CCDC141: variants seen among roughly 807,000 people sequenced by gnomAD.
CCDC141 encodes the protein coiled-coil domain-containing protein 141.
In CCDC141, 168 loss-of-function variants were observed where a neutral mutation model predicts 181.0. That is an observed-to-expected ratio of 0.93 (90% CI 0.82 to 1.05). The LOEUF is 1.05. Among genes scored for constraint, CCDC141 ranks in the 50% least tolerant of loss-of-function variants. The pLI, the probability that CCDC141 is intolerant of heterozygous loss-of-function variation, is 0.00. For missense variants in CCDC141, 1,902 were observed against 1,788.5 expected, an observed-to-expected ratio of 1.06 and a Z score of -1.14; for synonymous variants, 666 against 642.3, an observed-to-expected ratio of 1.04 and a Z score of -0.56.
intron 2 of CCDC141, among the ~76,000 whole-genome samples, chr2:178,986,884 C>G (rs1483460710): frequency 6.6e-6 from 1 of 151,794 alleles, no homozygotes; most frequent in Non-Finnish European, 1.5e-5. Flanking sequence ...TGAAAATGGC[C>G]ATACTGCCCA....
rs764624099 is a variant in CCDC141, at chr2:178,834,341, G to A, written c.4425C>T (p.Asp1475=). 4.6e-5 allele frequency: 70 copies of A among 1,536,030 alleles called. No homozygotes were observed. Among genetic ancestry groups the A allele is most frequent in the South Asian group, 9.5e-5 (8 of 84,068 alleles). ...GGGCCCGAGCCACATAGAGGCCTGC[G>A]TCTGCCTTGCATACCTTTGGAATGA... ...SVFIPKVCKA[D]AGLYVARAQN... is the part of the protein sequence containing the mutation. The change falls in exon 24 of 24, where the codon GAC becomes GAT. Residue 1475 remains aspartate (D), a synonymous_variant. Transcript: ENST00000443758.
At chr2:178,994,966 A>T (rs758683631) in intron 2 of CCDC141, among the ~76,000 whole-genome samples, 15 of 152,154 alleles carry the variant, frequency 9.9e-5, no homozygotes, top group Non-Finnish European at 1.5e-4. Context: ...TACTGTCCAT[A>T]TCTCTATCAG....
At chr2:178,869,906 T>C (rs1686034381) in intron 14 of CCDC141, among the ~76,000 whole-genome samples, 1 of 152,084 alleles carries the variant, frequency 6.6e-6, no homozygotes, top group Non-Finnish European at 1.5e-5. Flanking sequence ...GATTCTGGAA[T>C]AGAATTTGCA....
intron 2 of CCDC141, among the ~76,000 whole-genome samples, chr2:178,985,583 G>GA (rs985703796): frequency 6.6e-6 from 1 of 151,322 alleles, no homozygotes; most frequent in African/African-American, 2.4e-5. Context: ...GACTAATAAA[G>GA]AAAAAAACAG....
chr2:178,928,305 A>G (rs1446165342), intron 6 of CCDC141, among the ~76,000 whole-genome samples: 1 of 152,158 alleles, frequency 6.6e-6, no homozygotes, highest in South Asian at 2.1e-4. Context: ...AGGCCTTTGG[A>G]GTAAAGAAGG....
intron 2 of CCDC141, among the ~76,000 whole-genome samples, chr2:179,015,226 T>TCTCATATAA (rs202150994): frequency 1.6e-5 from 1 of 61,178 alleles, no homozygotes; most frequent in Non-Finnish European, 3.4e-5. Flanking sequence ...ATCTCATATA[T>TCTCATATAA]ACCTCATATA....
Position 178,869,150 on chromosome 2 carries a change from G to T in CCDC141, c.2361C>A (p.Tyr787Ter). The T allele has an allele frequency of 6.2e-7, 1 of 1,611,594 alleles. No homozygotes were observed. Among genetic ancestry groups the T allele is most frequent in the Non-Finnish European group, 8.5e-7 (1 of 1,179,150 alleles). The change falls in exon 15 of 24, where the codon TAC (tyrosine) becomes TAA (stop). Residue 787 changes from tyrosine (Y) to a stop codon, truncating the protein, a stop_gained. Coordinates refer to ENST00000443758, the MANE Select transcript of CCDC141 (RefSeq NM_173648.4). LOFTEE classifies it high-confidence loss of function. ...ERIQDYEDIL[Y>*]KVVQFHQVKE... is the part of the protein sequence containing the mutation. The stretch of plus-strand genomic sequence containing the variant: ...TGACTTGATGGAACTGGACCACCTT[G>T]TACAGGATATCCTCGTAATCCTGGA...
At chr2:178,918,481 G>T (rs1243167971) in intron 7 of CCDC141, among the ~76,000 whole-genome samples, 1 of 152,144 alleles carries the variant, frequency 6.6e-6, no homozygotes, top group Non-Finnish European at 1.5e-5. Context: ...CCCTCACGAG[G>T]TTTGTTTGTT....
rs1164225430 is a variant in CCDC141 at position 178,982,380 on chromosome 2, G to A, written c.226-3705C>T. ...GCATCAGAAAGAATAAAATACCTAGGAATACATTTAACCAAGGAGGTGAAA... is the reference window on the plus strand; with the variant it reads ...GCATCAGAAAGAATAAAATACCTAGAAATACATTTAACCAAGGAGGTGAAA... On this transcript the variant is annotated intron_variant, in intron 2 of 23. Coordinates refer to ENST00000443758, the MANE Select transcript of CCDC141 (RefSeq NM_173648.4). Among the ~76,000 whole-genome samples, 5 of 152,216 alleles carry A rather than the reference G, an allele frequency of 3.3e-5. No homozygotes were observed. In the East Asian group the frequency reaches 9.6e-4, roughly 29 times the overall value.
chr2:179,018,796 C>G (rs1450577051), intron 2 of CCDC141, among the ~76,000 whole-genome samples: 1 of 152,052 alleles, frequency 6.6e-6, no homozygotes, highest in Non-Finnish European at 1.5e-5. Context: ...CAGTGTCACT[C>G]ATTTTTGTAC....
intron 8 of CCDC141, among the ~76,000 whole-genome samples, chr2:178,903,139 A>G (rs565875369): frequency 1.3e-5 from 2 of 149,286 alleles, no homozygotes; most frequent in Admixed American, 1.4e-4. Flanking sequence ...AGAAATAGGA[A>G]CACTTTTACA....
intron 3 of CCDC141, among the ~76,000 whole-genome samples, chr2:178,976,199 T>C (rs1691115147): frequency 6.6e-6 from 1 of 152,150 alleles, no homozygotes; most frequent in East Asian, 1.9e-4. Flanking sequence ...AGCACTAAGA[T>C]TCAACAGTAA....
chr2:178,842,802 A>G (rs1034462239), intron 22 of CCDC141, among the ~76,000 whole-genome samples: 6 of 152,236 alleles, frequency 3.9e-5, no homozygotes, highest in Non-Finnish European at 1.5e-5. Flanking sequence ...CGGGGGCTTT[A>G]GACAAAAAGG....
chr2:179,015,338 T>C lies in CCDC141; in HGVS notation c.225+31946A>G, dbSNP rs183957511. On this transcript the variant is annotated intron_variant, in intron 2 of 23. Transcript: ENST00000443758. ...ATCTCATATATGTATCATACATATC[T>C]CATATATGTATCATACATATCCCAT... Among the ~76,000 whole-genome samples the C allele has an allele frequency of 2.2e-3, 264 of 117,794 alleles. 1 individual carries two copies. Among genetic ancestry groups the C allele is most frequent in the Middle Eastern group, 7.2e-3 (1 of 138 alleles). 77.3% of individuals were successfully genotyped at this position (117,794 alleles called of 152,430 possible). A position where few individuals can be genotyped will look rare whatever the true frequency, so the allele number is the denominator to read the frequency against.
intron 8 of CCDC141, among the ~76,000 whole-genome samples, chr2:178,903,888 T>C (rs62177302): frequency 0.31 from 47,341 of 151,794 alleles, 8,337 homozygotes; most frequent in Middle Eastern, 0.41. Flanking sequence ...TGTTAAACTG[T>C]GACTGGACCA....
chr2:178,982,729 C>T (rs1001276213), intron 2 of CCDC141, among the ~76,000 whole-genome samples: 3 of 152,198 alleles, frequency 2.0e-5, no homozygotes, highest in African/African-American at 7.2e-5. Flanking sequence ...AATCGGGTCA[C>T]TCCCACCCGA....
the CCDC141 span, among the ~76,000 whole-genome samples, chr2:178,818,278 T>A: frequency 6.6e-6 from 1 of 152,244 alleles, no homozygotes. Context: ...GGTGACTTTT[T>A]AAAATTTTAT....
At chr2:178,985,787 T>C (rs1359453041) in intron 2 of CCDC141, among the ~76,000 whole-genome samples, 2 of 152,182 alleles carry the variant, frequency 1.3e-5, no homozygotes, top group African/African-American at 2.4e-5. Flanking sequence ...AATCTCTGAA[T>C]AGACCAATAA....
intron 14 of CCDC141, 30 bp from the exon 15 acceptor site, chr2:178,869,335 T>C (rs1266401742): frequency 6.5e-7 from 1 of 1,540,896 alleles, no homozygotes; most frequent in Non-Finnish European, 8.7e-7. Context: ...AAAAAAATCT[T>C]GCTATTAAAG....
Sources: gnomAD v4.1 joint callset for allele counts (sites outside exome capture counted in the v4.1 genomes callset) on GRCh38, gnomAD v4.1.1 for gene constraint, MANE v1.5 for transcripts, NCBI Gene and HGNC (gene_info 2026-07-23, HGNC 2026-07-21) for gene names.